Variants in PTPN18 observed in about 807,000 individuals in gnomAD.
The protein encoded by PTPN18 is tyrosine-protein phosphatase non-receptor type 18.
PTPN18 carries 65 observed loss-of-function variants against 65.4 expected under a neutral mutation model. The observed-to-expected ratio is 0.99, with a 90% confidence interval of 0.81 to 1.22. The LOEUF (loss-of-function observed/expected upper bound fraction) is 1.22. Ranked by LOEUF, PTPN18 falls within the 50% of genes most tolerant of loss-of-function variation. The pLI is 0.00. For synonymous variants in PTPN18, 255 were observed against 267.8 expected (o/e 0.95, Z 0.47); for missense variants, 616 against 646.5 (o/e 0.95, Z 0.51).
intron 6 of PTPN18, 71 bp from the exon 7 acceptor site, chr2:130,369,694 A>G (rs976207360): frequency 4.9e-6 from 7 of 1,440,046 alleles, no homozygotes; most frequent in African/African-American, 4.3e-5. Context: ...TTTGCTTTCT[A>G]TAAATGTCTT....
chr2:130,369,009 G>A, intron 5 of PTPN18, 124 bp from the exon 6 acceptor site: 1 of 768,864 alleles, frequency 1.3e-6, no homozygotes, highest in Non-Finnish European at 2.2e-6. Context: ...TCTGTTATAG[G>A]TTATAAGTAT....
intron 13 of PTPN18, 112 bp from the exon 14 acceptor site, chr2:130,372,761 G>T: frequency 7.6e-7 from 1 of 1,314,756 alleles, no homozygotes; most frequent in Non-Finnish European, 1.1e-6. Flanking sequence ...CTCCCGCCCG[G>T]CGCCCTCGGC....
In PTPN18 at chr2:130,370,554, C is replaced by T. The variant is rs1023167764; in HGVS notation, c.690-3C>T. 4 of 1,614,012 alleles carry T rather than the reference C, an allele frequency of 2.5e-6. No individual in the cohort carries two copies. The highest frequency in any genetic ancestry group is 3.3e-4 in the Middle Eastern group (2 of 6,084). Reference sequence around the variant, plus strand: ...ACCAGGCACACTCTGATTCTCTTGTCAGTGCGGGTTGTGGGCGAACAGGCG... The same window carrying T: ...ACCAGGCACACTCTGATTCTCTTGTTAGTGCGGGTTGTGGGCGAACAGGCG... On this transcript the variant is annotated splice_polypyrimidine_tract_variant and splice_region_variant and intron_variant, in intron 8 of 14. Coordinates refer to ENST00000175756, the MANE Select transcript of PTPN18 (RefSeq NM_014369.4).
At chr2:130,365,865 A>C (rs1015054166) in intron 5 of PTPN18, among the ~76,000 whole-genome samples, 1 of 152,218 alleles carries the variant, frequency 6.6e-6, no homozygotes. Context: ...TTTGTTGAAA[A>C]TTAATTGGCC....
Position 130,371,307 on chromosome 2 carries a change from G to T in PTPN18, c.1013+20G>T. ...CCTCAGGTACCCGGCTCCATCCCCG[G>T]ATTCTTCCCTGCCCAATTTCTCAGG... On this transcript the variant is annotated intron_variant, in intron 12 of 14. Coordinates refer to ENST00000175756, the MANE Select transcript of PTPN18 (RefSeq NM_014369.4). 1 of 1,539,640 alleles carries T rather than the reference G, an allele frequency of 6.5e-7. No individual in the cohort carries two copies. The highest frequency in any genetic ancestry group is 8.9e-7 in the Non-Finnish European group (1 of 1,122,572).
chr2:130,361,784 C>T (rs1289830593), intron 5 of PTPN18, among the ~76,000 whole-genome samples: 1 of 152,022 alleles, frequency 6.6e-6, no homozygotes, highest in Non-Finnish European at 1.5e-5. Context: ...GATGGGGTTT[C>T]ACCATGTTGG....
chr2:130,370,393 A>C, intron 8 of PTPN18, 164 bp from the exon 9 acceptor site: 9 of 1,104,970 alleles, frequency 8.1e-6, no homozygotes, highest in Non-Finnish European at 1.2e-5. Flanking sequence ...AACAAAATGT[A>C]AGTGATTAAA....
In PTPN18 at chr2:130,374,629, C is replaced by G. The variant is rs368710477; in HGVS notation, c.*1405C>G. 4.2e-6 allele frequency: 2 copies of G among 471,398 alleles called. No homozygotes were observed. Among genetic ancestry groups the G allele is most frequent in the South Asian group, 3.1e-5 (2 of 64,560 alleles). The allele number at this position is 471,398 out of a possible 1,614,324, so 29.2% of individuals were successfully genotyped here. A position where few individuals can be genotyped will look rare whatever the true frequency, so the allele number is the denominator to read the frequency against. On this transcript the variant is annotated 3_prime_UTR_variant, in exon 15 of 15. Transcript: ENST00000175756. ...ATGGAAAAAGTATAAGATGCTCTTTCCCTGAACCTCAAGGGTCCCGCCCCT... is the reference window on the plus strand; with the variant it reads ...ATGGAAAAAGTATAAGATGCTCTTTGCCTGAACCTCAAGGGTCCCGCCCCT...
intron 5 of PTPN18, among the ~76,000 whole-genome samples, chr2:130,365,423 T>C (rs551383667): frequency 6.6e-6 from 1 of 152,386 alleles, no homozygotes; most frequent in East Asian, 1.9e-4. Context: ...TTATTCATTT[T>C]AAAATTGGGC....
intron 5 of PTPN18, 50 bp from the exon 6 acceptor site, chr2:130,369,083 A>C (rs748191980): frequency 1.3e-6 from 2 of 1,511,770 alleles, no homozygotes; most frequent in South Asian, 2.3e-5. Flanking sequence ...CTAGCTCTGA[A>C]GCTGACTCCC....
rs758257745 is a variant in PTPN18 at position 130,359,034 on chromosome 2, C to G, written c.202+59C>G. ...CCTTGCACGCCCTGCCACGTCCAGG[C>G]GTCAGTGTGCACTGGAGTCACCCAC... On this transcript the variant is annotated intron_variant, in intron 2 of 14. Coordinates refer to ENST00000175756, the MANE Select transcript of PTPN18 (RefSeq NM_014369.4). 8 of 1,558,412 alleles carry G rather than the reference C, an allele frequency of 5.1e-6. No individual in the cohort carries two copies. In the African/African-American group the frequency reaches 9.5e-5, roughly 18 times the overall value.
chr2:130,358,081 C>G (rs1396778983), intron 1 of PTPN18, among the ~76,000 whole-genome samples: 1 of 152,172 alleles, frequency 6.6e-6, no homozygotes, highest in African/African-American at 2.4e-5. Context: ...GCCTCACATG[C>G]GGAAGGCTGG....
intron 8 of PTPN18, 58 bp from the exon 9 acceptor site, chr2:130,370,499 C>T: frequency 6.3e-7 from 1 of 1,597,060 alleles, no homozygotes. Context: ...CCCAAATGCC[C>T]CATCTAAAAG....
intron 1 of PTPN18, 38 bp from the exon 2 acceptor site, chr2:130,358,829 C>T (rs764713166): frequency 5.1e-6 from 8 of 1,560,122 alleles, no homozygotes; most frequent in Middle Eastern, 3.4e-4. Flanking sequence ...CCTCTCCTGT[C>T]TTCTCCCCTC....
Position 130,369,751 on chromosome 2 carries a change from C to A in PTPN18, c.484-14C>A, listed in dbSNP as rs922126115. The A allele has an allele frequency of 1.3e-6, 2 of 1,547,418 alleles. No individual in the cohort carries two copies. Among genetic ancestry groups the A allele is most frequent in the Middle Eastern group, 3.3e-4 (2 of 5,998 alleles). ...CTCCTCCCTCTTCTTACTTGCCCCA[C>A]CCCCCTTACTCAGATAAAGGAGAAG... On this transcript the variant is annotated splice_polypyrimidine_tract_variant and intron_variant, in intron 6 of 14. Coordinates refer to ENST00000175756, the MANE Select transcript of PTPN18 (RefSeq NM_014369.4).
chr2:130,373,104 C>T lies in PTPN18; in HGVS notation c.1316-53C>T. The stretch of plus-strand genomic sequence containing the variant: ...GGATGGCCTTCTTCATGTCTGCCAG[C>T]TTCCACACACCTCAGCTTCTCCATG... On this transcript the variant is annotated intron_variant, in intron 14 of 14. Transcript: ENST00000175756. This position sits in a 1 kb window ranked among gnomAD's most constrained non-coding sequence, Gnocchi z 4.1. The T allele has an allele frequency of 6.4e-7, 1 of 1,553,112 alleles. No homozygotes were observed. Among genetic ancestry groups the T allele is most frequent in the East Asian group, 2.3e-5 (1 of 44,140 alleles).
chr2:130,374,284 T>A lies in PTPN18; in HGVS notation c.*1060T>A. The A allele has an allele frequency of 4.3e-6, 1 of 230,398 alleles. No individual in the cohort carries two copies. Among genetic ancestry groups the A allele is most frequent in the Non-Finnish European group, 8.8e-6 (1 of 113,220 alleles). The allele number at this position is 230,398 out of a possible 1,614,324, so 14.3% of individuals were successfully genotyped here. On this transcript the variant is annotated 3_prime_UTR_variant, in exon 15 of 15. Coordinates refer to ENST00000175756, the MANE Select transcript of PTPN18 (RefSeq NM_014369.4). ...CCGCCAGACAGACTCCCAACCAGAC[T>A]GACCCCTTACTATTCACACAGCCTG... is the stretch of plus-strand genomic sequence containing the variant.
chr2:130,362,809 T>TTTTTGA (rs1170354257), intron 5 of PTPN18, among the ~76,000 whole-genome samples: 1 of 151,788 alleles, frequency 6.6e-6, no homozygotes, highest in Non-Finnish European at 1.5e-5. Context: ...CACAGTAAGA[T>TTTTTGA]TTTTGTTTTT....
At chr2:130,372,795 A>C in intron 13 of PTPN18, 78 bp from the exon 14 acceptor site, 1 of 1,527,820 alleles carries the variant, frequency 6.5e-7, no homozygotes, top group Non-Finnish European at 9.0e-7. Flanking sequence ...CCTCCGGGGA[A>C]GCGTCCCCGC....
Sources: allele counts gnomAD v4.1 joint callset (sites outside exome capture counted in the v4.1 genomes callset), GRCh38; gene constraint gnomAD v4.1.1; non-coding constraint Gnocchi (gnomAD v3.1); transcripts MANE v1.5; gene names NCBI Gene and HGNC (gene_info 2026-07-23, HGNC 2026-07-21).